The following ATP2B1 variants were observed in gnomAD, a reference collection of about 807,000 sequenced individuals.
The protein encoded by ATP2B1 is plasma membrane calcium-transporting ATPase 1.
In ATP2B1, 14 loss-of-function variants were observed where a neutral mutation model predicts 124.2. The ratio of observed to expected loss-of-function variants is 0.11; its 90% confidence interval spans 0.07 to 0.18. ATP2B1 has a LOEUF of 0.18. Among genes scored for constraint, ATP2B1 ranks in the 10% least tolerant of loss-of-function variants. The pLI is 1.00. For synonymous variants in ATP2B1, 449 were observed against 492.4 expected (o/e 0.91, Z 1.17); for missense variants, 763 against 1,466.1 (o/e 0.52, Z 7.83).
rs547965314 is a variant in ATP2B1 at position 89,607,236 on chromosome 12, C to T, written c.2442+2701G>A. ...GCATTCAAGGCCTTTTTAATGTGGC[C>T]CCCTGTGAATTCTTCTAGCTTCGTA... On this transcript the variant is annotated intron_variant, in intron 15 of 20. Transcript: ENST00000428670. 7.1e-4 allele frequency among the ~76,000 whole-genome samples: 108 copies of T among 152,184 alleles called. 2 individuals carry two copies. The highest frequency in any genetic ancestry group is 2.6e-3 in the African/African-American group (106 of 41,498).
intron 14 of ATP2B1, 53 bp from the exon 15 acceptor site, chr12:89,610,096 G>A (rs1877708903): frequency 6.8e-7 from 1 of 1,465,992 alleles, no homozygotes; most frequent in East Asian, 2.3e-5. Flanking sequence ...TTAATAAGAT[G>A]ATTCTGAAGA....
At chr12:89,655,587 A>G in intron 2 of ATP2B1, 92 bp downstream of exon 2, 1 of 1,223,070 alleles carries the variant, frequency 8.2e-7, no homozygotes, top group Non-Finnish European at 1.2e-6. Context: ...ATAATCATAC[A>G]ATCGCCAAGA....
intron 12 of ATP2B1, among the ~76,000 whole-genome samples, chr12:89,612,627 C>G (rs780430656): frequency 3.3e-5 from 5 of 152,190 alleles, no homozygotes; most frequent in Non-Finnish European, 5.9e-5. Context: ...TGACTGAAGG[C>G]TAACTTTGAA....
intron 5 of ATP2B1, among the ~76,000 whole-genome samples, chr12:89,631,841 G>A (rs1268820028): frequency 6.0e-5 from 9 of 150,362 alleles, no homozygotes; most frequent in Non-Finnish European, 1.0e-4. Flanking sequence ...TAGAGACAGA[G>A]TATGTGTTGC....
intron 1 of ATP2B1, among the ~76,000 whole-genome samples, chr12:89,706,379 A>C (rs1279895751): frequency 7.9e-6 from 1 of 127,282 alleles, no homozygotes; most frequent in East Asian, 2.3e-4. Flanking sequence ...GCCTACAGCT[A>C]AAAAAAAAAA....
chr12:89,686,513 G>C (rs199948672), intron 1 of ATP2B1, among the ~76,000 whole-genome samples: 1 of 151,800 alleles, frequency 6.6e-6, no homozygotes, highest in African/African-American at 2.4e-5. Context: ...CCAATGTTAC[G>C]CAACATTATC....
intron 1 of ATP2B1, among the ~76,000 whole-genome samples, chr12:89,684,839 T>C (rs189835792): frequency 6.6e-6 from 1 of 152,238 alleles, no homozygotes; most frequent in African/African-American, 2.4e-5. Context: ...ATTTTACTAA[T>C]ATGAGCGATT....
intron 3 of ATP2B1, among the ~76,000 whole-genome samples, chr12:89,635,557 T>G (rs1034195617): frequency 3.3e-5 from 5 of 152,174 alleles, no homozygotes; most frequent in African/African-American, 1.2e-4. Context: ...ACTTGGTTTC[T>G]TCATCGTCAA....
rs987582794 is a variant in ATP2B1, at chr12:89,679,056, TA to T, written c.-221-22950del. ...GTAGATCCAAAGCTACTTAAGGCAT[TA>T]AAAAAAAAATCACTATTTTAGGCTC... is the stretch of plus-strand genomic sequence containing the variant. On this transcript the variant is annotated intron_variant, in intron 1 of 20. Transcript: ENST00000428670. Among the ~76,000 whole-genome samples, 206 of 148,944 alleles carry T rather than the reference TA, an allele frequency of 1.4e-3. 4 individuals are homozygous for T. The highest frequency in any genetic ancestry group is 9.0e-3 in the East Asian group (46 of 5,130).
intron 6 of ATP2B1, 62 bp downstream of exon 6, chr12:89,630,443 T>C: frequency 7.6e-7 from 1 of 1,321,754 alleles, no homozygotes; most frequent in Non-Finnish European, 1.0e-6. Context: ...AAGAAGGTAC[T>C]AGTTCTTACA....
At chr12:89,661,017 T>C (rs978351146) in intron 1 of ATP2B1, among the ~76,000 whole-genome samples, 11 of 152,176 alleles carry the variant, frequency 7.2e-5, no homozygotes, top group African/African-American at 2.7e-4. Flanking sequence ...ACTGGTTCTA[T>C]ATGAGCACAA....
intron 1 of ATP2B1, among the ~76,000 whole-genome samples, chr12:89,670,391 T>TCAAAA (rs1887803922): frequency 6.6e-6 from 1 of 151,772 alleles, no homozygotes; most frequent in Non-Finnish European, 1.5e-5. Flanking sequence ...TTTTCAATTG[T>TCAAAA]TACGCATTCT....
intron 1 of ATP2B1, among the ~76,000 whole-genome samples, chr12:89,670,150 G>C (rs542096822): frequency 1.3e-5 from 2 of 152,152 alleles, no homozygotes; most frequent in Non-Finnish European, 2.9e-5. Context: ...GCACAGAAAT[G>C]TATCTACCCA....
chr12:89,631,702 C>G (rs1881885257), intron 5 of ATP2B1, among the ~76,000 whole-genome samples: 1 of 152,122 alleles, frequency 6.6e-6, no homozygotes, highest in Non-Finnish European at 1.5e-5. Context: ...TTACAGAAAA[C>G]TAGGAATCAG....
chr12:89,628,253 T>C (rs1482840565), intron 6 of ATP2B1, among the ~76,000 whole-genome samples: 1 of 151,586 alleles, frequency 6.6e-6, no homozygotes, highest in Non-Finnish European at 1.5e-5. Flanking sequence ...AAATAAAAAA[T>C]TAGCCGGGTG....
In ATP2B1 at chr12:89,601,341, T is replaced by C. The variant is rs760134692; in HGVS notation, c.3153A>G (p.Thr1051=). 1.3e-6 allele frequency: 2 copies of C among 1,570,028 alleles called. No individual in the cohort carries two copies. The highest frequency in any genetic ancestry group is 1.7e-6 in the Non-Finnish European group (2 of 1,166,782). Reference sequence around the variant, plus strand: ...AAATTTTTACCTGGCCCCAGAGTAATGTTCCCATTCCTAGGAATATTGACC... The same window carrying C: ...AAATTTTTACCTGGCCCCAGAGTAACGTTCCCATTCCTAGGAATATTGACC... ...WLWSIFLGMG[T]LLWGQLISTI... Residue 1051 remains threonine, a synonymous_variant, in exon 19 of 21, where the codon ACA becomes ACG. Transcript: ENST00000428670.
chr12:89,675,536 A>C (rs1425639865), intron 1 of ATP2B1, among the ~76,000 whole-genome samples: 2 of 152,214 alleles, frequency 1.3e-5, no homozygotes, highest in African/African-American at 4.8e-5. Flanking sequence ...GCGGTCGAAC[A>C]CAAGTTAGGC....
At chr12:89,655,586 C>T in intron 2 of ATP2B1, 93 bp downstream of exon 2, 3 of 1,215,738 alleles carry the variant, frequency 2.5e-6, no homozygotes, top group Non-Finnish European at 3.6e-6. Flanking sequence ...CATAATCATA[C>T]AATCGCCAAG....
At chr12:89,671,299 G>A (rs1309582018) in intron 1 of ATP2B1, among the ~76,000 whole-genome samples, 9 of 152,116 alleles carry the variant, frequency 5.9e-5, no homozygotes, top group African/African-American at 7.2e-5. Context: ...GTCAAACATC[G>A]TCTTCTAAGG....
Sources: allele counts gnomAD v4.1 joint callset (sites outside exome capture counted in the v4.1 genomes callset), GRCh38; gene constraint gnomAD v4.1.1; transcripts MANE v1.5; gene names NCBI Gene and HGNC (gene_info 2026-07-23, HGNC 2026-07-21).